MCPH1: variants seen among roughly 807,000 people sequenced by gnomAD.
MCPH1 encodes microcephalin.
MCPH1 carries 104 observed loss-of-function variants against 84.5 expected under a neutral mutation model. That is an observed-to-expected ratio of 1.23 (90% CI 1.05 to 1.45). The LOEUF (loss-of-function observed/expected upper bound fraction) is 1.45, where lower values mean the gene tolerates loss of function less well. MCPH1 is among the 40% of genes most tolerant of loss of function. MCPH1 has a pLI of 0.00. For synonymous variants in MCPH1, 514 were observed against 366.8 expected (o/e 1.40, Z -4.58); for missense variants, 1,498 against 1,005.7 (o/e 1.49, Z -6.62).
intron 12 of MCPH1, among the ~76,000 whole-genome samples, chr8:6,503,719 A>C (rs1015422476): frequency 6.6e-6 from 1 of 152,238 alleles, no homozygotes; most frequent in Non-Finnish European, 1.5e-5. Flanking sequence ...CTAAAATATT[A>C]AGTACTCAGT....
intron 11 of MCPH1, among the ~76,000 whole-genome samples, chr8:6,493,419 C>T (rs1026678029): frequency 2.0e-5 from 3 of 152,162 alleles, no homozygotes; most frequent in Non-Finnish European, 2.9e-5. Flanking sequence ...TCCCTCTCAC[C>T]ACCTGGAATT....
In MCPH1 at chr8:6,445,139, A is replaced by G. The variant is rs1245850569; in HGVS notation, c.1417A>G (p.Ile473Val). Residue 473 changes from isoleucine (I) to valine (V), a missense_variant, in exon 8 of 14, where the codon ATT becomes GTT. By Grantham distance (29) the Ile-to-Val change is conservative. Transcript: ENST00000344683. The part of the protein sequence containing the change: ...CVGKKTRTVD[I>V]TNFTAKTISS... ...TGGCAAAAAAACCAGAACAGTTGAC[A>G]TTACCAATTTCACAGCAAAAACCAT... 5 of 1,614,246 alleles carry G rather than the reference A, an allele frequency of 3.1e-6. No individual in the cohort carries two copies. Among genetic ancestry groups the G allele is most frequent in the South Asian group, 2.2e-5 (2 of 91,090 alleles).
At chr8:6,614,046 C>T (rs912907741) in intron 12 of MCPH1, among the ~76,000 whole-genome samples, 1 of 152,150 alleles carries the variant, frequency 6.6e-6, no homozygotes, top group Non-Finnish European at 1.5e-5. Flanking sequence ...GTGCCAAAGA[C>T]CAGTTAATGC....
At chr8:6,552,400 T>TAC (rs1415348185) in intron 12 of MCPH1, among the ~76,000 whole-genome samples, 2 of 152,222 alleles carry the variant, frequency 1.3e-5, no homozygotes, top group Middle Eastern at 3.2e-3. Flanking sequence ...ACAGACATTT[T>TAC]ACACACACAC....
chr8:6,431,823 C>G (rs552683961), intron 4 of MCPH1, among the ~76,000 whole-genome samples: 1 of 152,112 alleles, frequency 6.6e-6, no homozygotes. Context: ...CATGGGAAGA[C>G]TAAAAGGTGC....
intron 12 of MCPH1, among the ~76,000 whole-genome samples, chr8:6,617,925 ATCTATCTATCTATCTATCTT>A (rs1184098237): frequency 2.0e-5 from 3 of 151,260 alleles, no homozygotes; most frequent in South Asian, 2.1e-4. Context: ...CTATCTATCT[ATCTATCTATCTATCTATCTT>A]TCTATCTATC....
chr8:6,440,480 C>G (rs1803345625), intron 6 of MCPH1, among the ~76,000 whole-genome samples: 1 of 152,180 alleles, frequency 6.6e-6, no homozygotes, highest in Admixed American at 6.5e-5. Context: ...CTGCCTCACC[C>G]TCTCAAGTAG....
chr8:6,634,114 T>C (rs1233198725), intron 13 of MCPH1, among the ~76,000 whole-genome samples: 1 of 152,080 alleles, frequency 6.6e-6, no homozygotes, highest in Non-Finnish European at 1.5e-5. Flanking sequence ...AAAATGAAGA[T>C]GTGAATAGTG....
intron 12 of MCPH1, among the ~76,000 whole-genome samples, chr8:6,549,119 C>T (rs541464765): frequency 6.6e-6 from 1 of 152,302 alleles, no homozygotes; most frequent in South Asian, 2.1e-4. Flanking sequence ...GTCAGTCCAA[C>T]TCCACAGATT....
chr8:6,460,201 C>A (rs75413153), intron 9 of MCPH1, among the ~76,000 whole-genome samples: 16 of 152,016 alleles, frequency 1.1e-4, no homozygotes, highest in African/African-American at 3.9e-4. Flanking sequence ...TTCTATAGCC[C>A]ATGTCTCATG....
intron 9 of MCPH1, among the ~76,000 whole-genome samples, chr8:6,476,720 T>C (rs1193586132): frequency 6.6e-6 from 1 of 152,240 alleles, no homozygotes; most frequent in Non-Finnish European, 1.5e-5. Context: ...CAAATGCCTT[T>C]TGTTCCTTCT....
rs188495397 is a variant in MCPH1 at position 6,440,362 on chromosome 8, C to T, written c.580+1266C>T. Among the ~76,000 whole-genome samples the T allele has an allele frequency of 2.5e-4, 38 of 152,158 alleles. No homozygotes were observed. In the East Asian group the frequency reaches 4.3e-3, roughly 17 times the overall value. On this transcript the variant is annotated intron_variant, in intron 6 of 13. Transcript: ENST00000344683. ...TGAATCCTTGTATTTCTGAGTACTT[C>T]GTGTATTTCAATAATACTAATTCAT...
chr8:6,501,196 A>G (rs1812109348), intron 12 of MCPH1: 1 of 152,234 alleles, frequency 6.6e-6, no homozygotes, highest in African/African-American at 2.4e-5. Flanking sequence ...GCCAGAGTCC[A>G]TCATTGACTC....
intron 9 of MCPH1, among the ~76,000 whole-genome samples, chr8:6,475,339 A>C (rs747709338): frequency 1.3e-5 from 2 of 152,186 alleles, no homozygotes; most frequent in African/African-American, 4.8e-5. Context: ...TGTTCTCTAA[A>C]CCAGTATCAG....
At chr8:6,425,154 G>A (rs758593189) in intron 3 of MCPH1, among the ~76,000 whole-genome samples, 1 of 152,192 alleles carries the variant, frequency 6.6e-6, no homozygotes, top group Non-Finnish European at 1.5e-5. Context: ...GGCTCTCTGG[G>A]GAGAATAAGC....
At chr8:6,504,955 C>G (rs1812986007) in intron 12 of MCPH1, among the ~76,000 whole-genome samples, 1 of 151,724 alleles carries the variant, frequency 6.6e-6, no homozygotes, top group African/African-American at 2.4e-5. Context: ...CTGAATAAAT[C>G]TCAACAACAC....
At chr8:6,413,118 G>C (rs1373312) in intron 2 of MCPH1, among the ~76,000 whole-genome samples, 106,733 of 152,144 alleles carry the variant, frequency 0.7, 39,553 homozygotes, top group Non-Finnish European at 0.8. Flanking sequence ...GACACCATGA[G>C]TGTCTGAGCA....
At chr8:6,610,938 A>G (rs1158677310) in intron 12 of MCPH1, among the ~76,000 whole-genome samples, 1 of 152,198 alleles carries the variant, frequency 6.6e-6, no homozygotes, top group Non-Finnish European at 1.5e-5. Context: ...CAAATTTAGC[A>G]GAAAATGAAT....
In MCPH1 at chr8:6,444,818, C is replaced by T. The variant is rs1269975330; in HGVS notation, c.1096C>T (p.Pro366Ser). 1.9e-6 allele frequency: 3 copies of T among 1,614,140 alleles called. No individual in the cohort carries two copies. The highest frequency in any genetic ancestry group is 1.7e-5 in the Admixed American group (1 of 60,028). Residue 366 changes from proline (P) to serine (S), a missense_variant, in exon 8 of 14, where the codon CCT (proline) becomes TCT (serine). Physicochemically the swap from Pro to Ser is moderately conservative, Grantham distance 74. Transcript: ENST00000344683. ...RKRVSHGSHS[P>S]PKEKCKRKRS... ...AAGAGTATCACATGGCTCCCATTCA[C>T]CTCCGAAGGAAAAATGCAAGAGAAA...
Sources: gnomAD v4.1 joint callset for allele counts (sites outside exome capture counted in the v4.1 genomes callset) on GRCh38, gnomAD v4.1.1 for gene constraint, MANE v1.5 for transcripts, NCBI Gene and HGNC (gene_info 2026-07-23, HGNC 2026-07-21) for gene names.